The following EPHX1 variants were observed in gnomAD, a reference collection of about 807,000 sequenced individuals.
EPHX1 encodes the protein epoxide hydratase.
A neutral mutation model predicts 43.2 loss-of-function variants in EPHX1; 40 were observed. The ratio of observed to expected loss-of-function variants is 0.93; its 90% CI spans 0.72 to 1.21. The LOEUF (loss-of-function observed/expected upper bound fraction) is 1.21. Ranked by LOEUF, EPHX1 falls within the 50% of genes most tolerant of loss-of-function variation. The pLI, the probability that EPHX1 is intolerant of heterozygous loss-of-function variation, is 0.00. For missense variants in EPHX1, 550 were observed against 570.4 expected (o/e 0.96, Z 0.36); for synonymous variants, 221 against 226.7 (o/e 0.98, Z 0.22).
At chr1:225,838,412 G>A (rs4653693) in intron 3 of EPHX1, among the ~76,000 whole-genome samples, 4 of 152,172 alleles carry the variant, frequency 2.6e-5, no homozygotes, top group African/African-American at 9.6e-5. Flanking sequence ...TAAGGAAACC[G>A]GGAGGCAATA....
chr1:225,841,554 G>T (rs1041360419), intron 6 of EPHX1, among the ~76,000 whole-genome samples: 2 of 150,018 alleles, frequency 1.3e-5, no homozygotes, highest in African/African-American at 4.9e-5. Flanking sequence ...AAAGTGCTGG[G>T]ATTACAGGTG....
In EPHX1 at chr1:225,845,356, TCTCCCCCCGCCTGCCAC is replaced by T. The variant is rs1278852835; in HGVS notation, c.*18_*34del. ...TGCTGGAGCGGCAATGACCCACCCC[TCTCCCCCCGCCTGCCAC>T]CTCCCCCCACAAGTGCCCTCCAGGC... On this transcript the variant is annotated 3_prime_UTR_variant, in exon 9 of 9. Transcript: ENST00000272167. 9.7e-6 allele frequency: 14 copies of T among 1,445,912 alleles called. No homozygotes were observed. The Admixed American group carries it at 1.6e-4, about 17-fold the overall frequency. The allele number at this position is 1,445,912 out of a possible 1,614,324, so 89.6% of individuals were successfully genotyped here. A position where few individuals can be genotyped will look rare whatever the true frequency, so the allele number is the denominator to read the frequency against.
chr1:225,813,404 G>A (rs773692321), intron 1 of EPHX1, among the ~76,000 whole-genome samples: 1 of 152,176 alleles, frequency 6.6e-6, no homozygotes, highest in Non-Finnish European at 1.5e-5. Context: ...ATTGCAGGAG[G>A]GAGAAGGCAC....
At chr1:225,820,721 CT>C (rs1216217958) in intron 1 of EPHX1, among the ~76,000 whole-genome samples, 3 of 152,050 alleles carry the variant, frequency 2.0e-5, no homozygotes, top group African/African-American at 7.2e-5. Flanking sequence ...CCTATTCATA[CT>C]TAAAAACCCT....
Position 225,839,997 on chromosome 1 carries a change from C to T in EPHX1, c.891C>T (p.Ser297=), listed in dbSNP as rs758887206. 9 of 1,614,160 alleles carry T rather than the reference C, an allele frequency of 5.6e-6. No individual in the cohort carries two copies. The highest frequency in any genetic ancestry group is 1.7e-4 in the Middle Eastern group (1 of 6,044). ...TATTCTACAGCCTGATGAGGGAGAG[C>T]GGCTACATGCACATCCAGTGCACCA... ...EKVFYSLMRE[S]GYMHIQCTKP... The change falls in exon 6 of 9, where the codon AGC becomes AGT. Residue 297 remains serine (S), a synonymous_variant. Coordinates refer to ENST00000272167, the MANE Select transcript of EPHX1 (RefSeq NM_001136018.4).
intron 1 of EPHX1, among the ~76,000 whole-genome samples, chr1:225,825,095 T>G (rs992048477): frequency 2.6e-5 from 4 of 152,218 alleles, no homozygotes. Flanking sequence ...CTCCTCTTCC[T>G]GGGTGATACA....
Position 225,844,618 on chromosome 1 carries a change from T to A in EPHX1, c.1161T>A (p.His387Gln), listed in dbSNP as rs2137841. 1 of 1,614,008 alleles carries A rather than the reference T, an allele frequency of 6.2e-7. No homozygotes were observed. The highest frequency in any genetic ancestry group is 8.5e-7 in the Non-Finnish European group (1 of 1,179,984). Residue 387 changes from histidine (H) to glutamine (Q), a missense_variant, in exon 8 of 9, where the codon CAT (histidine) becomes CAA (glutamine). His to Gln is a conservative substitution (Grantham distance 24, BLOSUM62 0). Coordinates refer to ENST00000272167, the MANE Select transcript of EPHX1 (RefSeq NM_001136018.4). ...NLGQGWMTQK[H>Q]ERMKVYVPTG... ...GACAGGGCTGGATGACCCAGAAGCATGAGCGGTGAGCCTGGCTGAGCCGAG... is the reference window on the plus strand; with the variant it reads ...GACAGGGCTGGATGACCCAGAAGCAAGAGCGGTGAGCCTGGCTGAGCCGAG...
At chr1:225,812,330 C>T (rs979095375) in intron 1 of EPHX1, among the ~76,000 whole-genome samples, 1 of 152,236 alleles carries the variant, frequency 6.6e-6, no homozygotes, top group Non-Finnish European at 1.5e-5. Context: ...AAGCCACATG[C>T]TCTCTGCGTG....
intron 3 of EPHX1, among the ~76,000 whole-genome samples, chr1:225,832,471 G>A (rs1026171018): frequency 6.6e-6 from 1 of 152,360 alleles, no homozygotes; most frequent in African/African-American, 2.4e-5. Context: ...GGAGGCGGAG[G>A]TTGCAGTGAG....
intron 3 of EPHX1, among the ~76,000 whole-genome samples, chr1:225,837,006 T>C (rs149340755): frequency 2.4e-4 from 37 of 152,380 alleles, no homozygotes; most frequent in African/African-American, 8.7e-4. Flanking sequence ...TCAGTCTGGT[T>C]CGTTAATTGT....
rs1668174427 is a variant in EPHX1, at chr1:225,839,308, G to T, written c.684G>T (p.Gly228=). The T allele has an allele frequency of 2.5e-6, 4 of 1,613,904 alleles. No homozygotes were observed. Among genetic ancestry groups the T allele is most frequent in the Non-Finnish European group, 2.5e-6 (3 of 1,180,008 alleles). Residue 228 remains glycine, a synonymous_variant, in exon 5 of 9, where the codon GGG becomes GGT. Transcript: ENST00000272167. ...TCTACATTCAAGGAGGGGACTGGGG[G>T]TCCCTGATCTGCACTAATATGGCCC... ...QEFYIQGGDW[G]SLICTNMAQL...
chr1:225,825,533 G>A (rs1667189937), intron 1 of EPHX1: 2 of 152,246 alleles, frequency 1.3e-5, no homozygotes, highest in Non-Finnish European at 2.9e-5. Flanking sequence ...TTCTCCCTGT[G>A]CTGAGGTACA....
chr1:225,828,365 C>G (rs1393386492), intron 1 of EPHX1, among the ~76,000 whole-genome samples: 2 of 151,492 alleles, frequency 1.3e-5, no homozygotes, highest in Non-Finnish European at 2.9e-5. Flanking sequence ...AACATGAGGC[C>G]TCAGAAATGT....
At chr1:225,815,411 C>CTTTTTTT (rs5781415) in intron 1 of EPHX1, among the ~76,000 whole-genome samples, 8 of 78,194 alleles carry the variant, frequency 1.0e-4, no homozygotes, top group South Asian at 5.1e-4. Context: ...AGCTAATTTT[C>CTTTTTTT]TTTTTTTTTT....
intron 1 of EPHX1, chr1:225,825,317 G>A (rs140708547): frequency 1.6e-3 from 242 of 152,540 alleles, no homozygotes; most frequent in South Asian, 2.5e-3. Context: ...GCCGTGGGGA[G>A]TGGGGGCCAG....
intron 3 of EPHX1, among the ~76,000 whole-genome samples, chr1:225,833,498 T>TA (rs748812172): frequency 1.6e-4 from 24 of 151,762 alleles, no homozygotes; most frequent in East Asian, 1.2e-3. Context: ...CCCCATCTCT[T>TA]AAAAAAAGAG....
At chr1:225,815,613 T>C (rs1002963443) in intron 1 of EPHX1, among the ~76,000 whole-genome samples, 27 of 152,158 alleles carry the variant, frequency 1.8e-4, no homozygotes, top group African/African-American at 6.3e-4. Flanking sequence ...CCCATAAATA[T>C]TTTTAGTCTT....
intron 1 of EPHX1, among the ~76,000 whole-genome samples, chr1:225,824,137 C>G (rs1020540621): frequency 6.6e-6 from 1 of 152,102 alleles, no homozygotes; most frequent in Non-Finnish European, 1.5e-5. Flanking sequence ...ACTCTAAGAC[C>G]GCCCACCCCC....
chr1:225,843,473 G>C (rs866497130), intron 7 of EPHX1, among the ~76,000 whole-genome samples: 27 of 152,318 alleles, frequency 1.8e-4, no homozygotes, highest in Admixed American at 3.9e-4. Context: ...CTTCGTCTGG[G>C]ATCTGTTTCC....
Sources: allele counts gnomAD v4.1 joint callset (sites outside exome capture counted in the v4.1 genomes callset), GRCh38; gene constraint gnomAD v4.1.1; transcripts MANE v1.5; gene names NCBI Gene and HGNC (gene_info 2026-07-23, HGNC 2026-07-21).